The following PTPRD variants were observed in gnomAD, a reference collection of about 807,000 sequenced individuals.
The protein encoded by PTPRD is protein tyrosine phosphatase receptor type D, also known as receptor-type tyrosine-protein phosphatase delta.
In PTPRD, 34 loss-of-function variants were observed where a neutral mutation model predicts 214.5. That is an observed-to-expected ratio of 0.16 (90% CI 0.12 to 0.21). The LOEUF (loss-of-function observed/expected upper bound fraction) is 0.21. Ranked by LOEUF, PTPRD falls within the 10% of genes least tolerant of loss-of-function variation. The pLI, the probability that PTPRD is intolerant of heterozygous loss-of-function variation, is 1.00. For missense variants in PTPRD, 2,545 were observed against 2,398.7 expected, an observed-to-expected ratio of 1.06 and a Z score of -1.27; for synonymous variants, 1,128 against 845.7, an observed-to-expected ratio of 1.33 and a Z score of -5.79.
intron 12 of PTPRD, among the ~76,000 whole-genome samples, chr9:8,669,273 C>G (rs10815923): frequency 1.3e-5 from 2 of 151,908 alleles, no homozygotes; most frequent in South Asian, 2.1e-4. Context: ...GGCATCTTAT[C>G]TGTTTTACTC....
chr9:8,607,973 C>T (rs2095298897), intron 14 of PTPRD, among the ~76,000 whole-genome samples: 1 of 152,216 alleles, frequency 6.6e-6, no homozygotes, highest in African/African-American at 2.4e-5. Flanking sequence ...AACATGGAGG[C>T]TGCCTGCCAC....
intron 14 of PTPRD, among the ~76,000 whole-genome samples, chr9:8,617,372 C>G (rs1189913278): frequency 6.6e-6 from 1 of 152,076 alleles, no homozygotes; most frequent in Non-Finnish European, 1.5e-5. Context: ...GGAGAGAGAA[C>G]TGCTGTCTCA....
intron 4 of PTPRD, among the ~76,000 whole-genome samples, chr9:10,032,289 A>G (rs1269238528): frequency 6.6e-6 from 1 of 152,170 alleles, no homozygotes; most frequent in African/African-American, 2.4e-5. Context: ...AACTAAAGAC[A>G]TTACTAAGAA....
intron 10 of PTPRD, among the ~76,000 whole-genome samples, chr9:9,114,216 A>G (rs908545881): frequency 4.6e-5 from 7 of 152,202 alleles, no homozygotes; most frequent in Non-Finnish European, 1.0e-4. Context: ...AGGTTTCTAC[A>G]GGGTAGTTCG....
intron 5 of PTPRD, among the ~76,000 whole-genome samples, chr9:9,781,292 T>G (rs2098840866): frequency 6.6e-6 from 1 of 152,202 alleles, no homozygotes; most frequent in Non-Finnish European, 1.5e-5. Flanking sequence ...TTCCTTGTTA[T>G]AAACTCAATA....
intron 3 of PTPRD, among the ~76,000 whole-genome samples, chr9:10,141,029 G>A (rs1231653982): frequency 6.6e-6 from 1 of 151,862 alleles, no homozygotes; most frequent in Non-Finnish European, 1.5e-5. Context: ...TGCAGAAAAG[G>A]CCTTTGACAA....
chr9:8,410,277 G>A (rs1033997075), intron 35 of PTPRD, among the ~76,000 whole-genome samples: 1 of 152,212 alleles, frequency 6.6e-6, no homozygotes, highest in African/African-American at 2.4e-5. Context: ...TTTAGAAACT[G>A]AAATGTGAGG....
At chr9:9,425,418 ATAT>A (rs4008103) in intron 8 of PTPRD, among the ~76,000 whole-genome samples, 115,900 of 145,648 alleles carry the variant, frequency 0.8, 46,333 homozygotes, top group Non-Finnish European at 0.81. Context: ...AAAATATATA[ATAT>A]TATAATATCT....
At chr9:8,872,126 C>G (rs1262123437) in intron 11 of PTPRD, among the ~76,000 whole-genome samples, 2 of 152,200 alleles carry the variant, frequency 1.3e-5, no homozygotes, top group Non-Finnish European at 2.9e-5. Flanking sequence ...ACAAGTGGTA[C>G]CACCTGTGCT....
chr9:10,406,658 T>C (rs1489144167), intron 2 of PTPRD, among the ~76,000 whole-genome samples: 1 of 151,666 alleles, frequency 6.6e-6, no homozygotes, highest in Non-Finnish European at 1.5e-5. Flanking sequence ...GCTGTAAATA[T>C]CTATGACAGA....
At position 8,806,071 on chromosome 9, in the gene PTPRD, C is replaced by G. The variant is rs566544461; in HGVS notation, c.-103-72125G>C. Among the ~76,000 whole-genome samples, 168 of 150,680 alleles carry G rather than the reference C, an allele frequency of 1.1e-3. 2 individuals are homozygous for G. The highest frequency in any genetic ancestry group is 4.0e-3 in the African/African-American group (163 of 41,118). ...CCTGAGTAGCTGGGATTACAGGTGA[C>G]CACCACTATGCCCAGCTAATTTTTT... On this transcript the variant is annotated intron_variant, in intron 11 of 45. Coordinates refer to ENST00000381196, the MANE Select transcript of PTPRD (RefSeq NM_002839.4).
At chr9:9,186,153 G>A (rs1431160981) in intron 9 of PTPRD, among the ~76,000 whole-genome samples, 2 of 152,052 alleles carry the variant, frequency 1.3e-5, no homozygotes, top group African/African-American at 4.8e-5. Flanking sequence ...AGAAGAAAAT[G>A]GATTTTCAGC....
intron 5 of PTPRD, among the ~76,000 whole-genome samples, chr9:9,934,786 T>C (rs7030300): frequency 0.024 from 3,693 of 151,958 alleles, 170 homozygotes; most frequent in African/African-American, 0.086. Flanking sequence ...AAGAGAATTT[T>C]AGACCAATAT....
intron 2 of PTPRD, among the ~76,000 whole-genome samples, chr9:10,458,814 C>G (rs2098936830): frequency 6.6e-6 from 1 of 152,074 alleles, no homozygotes; most frequent in South Asian, 2.1e-4. Flanking sequence ...ACTGTTAGGT[C>G]TAATAAATGA....
chr9:10,330,027 A>G (rs1036730721), intron 3 of PTPRD, among the ~76,000 whole-genome samples: 2 of 151,896 alleles, frequency 1.3e-5, no homozygotes, highest in African/African-American at 4.8e-5. Context: ...GTAGACATCT[A>G]TAGAACTATA....
At chr9:10,414,253 A>C (rs2098465890) in intron 2 of PTPRD, among the ~76,000 whole-genome samples, 1 of 151,438 alleles carries the variant, frequency 6.6e-6, no homozygotes, top group South Asian at 2.1e-4. Context: ...TTAAAATAAA[A>C]ATTAAAAAAC....
chr9:9,281,480 T>C (rs1005001565), intron 9 of PTPRD, among the ~76,000 whole-genome samples: 8 of 151,312 alleles, frequency 5.3e-5, no homozygotes, highest in Admixed American at 1.3e-4. Flanking sequence ...AGATAGCTAA[T>C]AGATATATGA....
chr9:10,396,628 A>G (rs1035634992), intron 2 of PTPRD, among the ~76,000 whole-genome samples: 2 of 152,014 alleles, frequency 1.3e-5, no homozygotes, highest in African/African-American at 4.8e-5. Context: ...TTAGACACCT[A>G]GTAAAAGATT....
chr9:9,981,533 A>AT (rs34557894), intron 4 of PTPRD, among the ~76,000 whole-genome samples: 111,002 of 150,322 alleles, frequency 0.74, 41,675 homozygotes, highest in Middle Eastern at 0.88. Flanking sequence ...TTTTTTTTGT[A>AT]TTTTTTTTAC....
Sources: gnomAD v4.1 joint callset for allele counts (sites outside exome capture counted in the v4.1 genomes callset) on GRCh38, gnomAD v4.1.1 for gene constraint, MANE v1.5 for transcripts, NCBI Gene and HGNC (gene_info 2026-07-23, HGNC 2026-07-21) for gene names.